CPEB4: variants seen among roughly 807,000 people sequenced by gnomAD.
CPEB4 encodes the protein cytoplasmic polyadenylation element binding protein 4.
Under a neutral mutation model 72.5 loss-of-function variants are expected in CPEB4, and 12 were observed. The ratio of observed to expected loss-of-function variants is 0.17; its 90% confidence interval spans 0.11 to 0.27. The LOEUF (loss-of-function observed/expected upper bound fraction) is 0.27. CPEB4 is among the 10% of genes least tolerant of loss of function. The pLI is 1.00. For synonymous variants in CPEB4, 302 were observed against 326.3 expected (o/e 0.93, Z 0.80); for missense variants, 614 against 908.5 (o/e 0.68, Z 4.17).
At chr5:173,952,950 T>C (rs989343474) in intron 8 of CPEB4, 141 bp from the exon 9 acceptor site, 9 of 667,952 alleles carry the variant, frequency 1.3e-5, no homozygotes, top group African/African-American at 7.1e-5. Flanking sequence ...AATGGATGAC[T>C]GGTTGTAGTA....
chr5:173,958,527 G>A lies in CPEB4; in HGVS notation c.*2390G>A, dbSNP rs972882165. 6.6e-6 allele frequency: 1 copy of A among 152,390 alleles called. No homozygotes were observed. The highest frequency in any genetic ancestry group is 2.4e-5 in the African/African-American group (1 of 41,346). The allele number at this position is 152,390 out of a possible 1,614,324, so 9.4% of individuals were successfully genotyped here. A position where few individuals can be genotyped will look rare whatever the true frequency, so the allele number is the denominator to read the frequency against. ...TTTTAAATTATGAATGTCGTGCACT[G>A]GCAATGCTATTTTAGAGTCTGCAGA... On this transcript the variant is annotated 3_prime_UTR_variant, in exon 10 of 10. Coordinates refer to ENST00000265085, the MANE Select transcript of CPEB4 (RefSeq NM_030627.4).
chr5:173,958,967 C>T lies in CPEB4; in HGVS notation c.*2830C>T, dbSNP rs1427264972. The T allele has an allele frequency of 1.3e-5, 2 of 152,684 alleles. No individual in the cohort carries two copies. Among genetic ancestry groups the T allele is most frequent in the East Asian group, 3.7e-4 (2 of 5,338 alleles). The allele number at this position is 152,684 out of a possible 1,614,324, so 9.5% of individuals were successfully genotyped here. On this transcript the variant is annotated 3_prime_UTR_variant, in exon 10 of 10. Coordinates refer to ENST00000265085, the MANE Select transcript of CPEB4 (RefSeq NM_030627.4). ...GAAATTGTTATTCTACTAATATTTACTTGTGATTGTGTGACAAGTGTGTTT... is the reference window on the plus strand; with the variant it reads ...GAAATTGTTATTCTACTAATATTTATTTGTGATTGTGTGACAAGTGTGTTT...
At chr5:173,938,881 G>A (rs1451031952) in intron 3 of CPEB4, among the ~76,000 whole-genome samples, 1 of 152,200 alleles carries the variant, frequency 6.6e-6, no homozygotes, top group Admixed American at 6.5e-5. Context: ...TATAGCATAT[G>A]CAATAATAAT....
chr5:173,936,714 A>G (rs562875085), intron 3 of CPEB4, among the ~76,000 whole-genome samples: 1 of 152,266 alleles, frequency 6.6e-6, no homozygotes, highest in South Asian at 2.1e-4. Flanking sequence ...TCTGAGATAG[A>G]CATTGGATTA....
chr5:173,896,831 G>A (rs1293179242), intron 1 of CPEB4, among the ~76,000 whole-genome samples: 1 of 152,140 alleles, frequency 6.6e-6, no homozygotes, highest in Non-Finnish European at 1.5e-5. Flanking sequence ...AGGCCGAGGT[G>A]GACGGATCAC....
At position 173,901,238 on chromosome 5, in the gene CPEB4, A is replaced by G. The variant is rs1037207439; in HGVS notation, c.1126-9285A>G. Among the ~76,000 whole-genome samples the G allele has an allele frequency of 3.6e-4, 55 of 152,228 alleles. 1 individual carries two copies. Among genetic ancestry groups the G allele is most frequent in the African/African-American group, 1.3e-3 (52 of 41,458 alleles). ...CTCAGAGGCTTTCTGGAGAGATCTT[A>G]TTTGTCAATTAACATGGCAACCAAA... is the stretch of plus-strand genomic sequence containing the variant. On this transcript the variant is annotated intron_variant, in intron 1 of 9. Transcript: ENST00000265085.
At chr5:173,942,987 T>G in intron 3 of CPEB4, 39 bp from the exon 4 acceptor site, 1 of 1,600,870 alleles carries the variant, frequency 6.2e-7, no homozygotes, top group Non-Finnish European at 8.5e-7. Context: ...AAGGTTGTTT[T>G]GTTTTTTTGT....
chr5:173,946,288 A>G (rs538099110), intron 5 of CPEB4, among the ~76,000 whole-genome samples: 1 of 152,360 alleles, frequency 6.6e-6, no homozygotes, highest in Admixed American at 6.5e-5. Context: ...CCCTCAGCAT[A>G]GCTTGAAGAA....
chr5:173,946,958 T>TC (rs1329011809), intron 5 of CPEB4, among the ~76,000 whole-genome samples: 7 of 151,364 alleles, frequency 4.6e-5, no homozygotes, highest in African/African-American at 9.7e-5. Flanking sequence ...TTAACCTTTT[T>TC]CCCCCCCAAG....
intron 1 of CPEB4, among the ~76,000 whole-genome samples, chr5:173,895,181 A>G (rs1217534065): frequency 6.6e-6 from 1 of 152,202 alleles, no homozygotes; most frequent in Non-Finnish European, 1.5e-5. Context: ...GTAAGGAAAA[A>G]AAAAATCCTG....
intron 7 of CPEB4, among the ~76,000 whole-genome samples, 168 bp from the exon 8 acceptor site, chr5:173,951,656 A>G (rs2113298692): frequency 6.6e-6 from 1 of 152,358 alleles, no homozygotes; most frequent in African/African-American, 2.4e-5. Flanking sequence ...TCTAAAAATG[A>G]AACGATGGGT....
At chr5:173,947,619 A>G (rs537953871) in intron 5 of CPEB4, among the ~76,000 whole-genome samples, 97 of 152,204 alleles carry the variant, frequency 6.4e-4, no homozygotes, top group African/African-American at 2.3e-3. Flanking sequence ...AGAAAAACCC[A>G]TGAAATGTTG....
intron 1 of CPEB4, among the ~76,000 whole-genome samples, chr5:173,892,637 T>C (rs1053519816): frequency 1.3e-5 from 2 of 152,228 alleles, no homozygotes; most frequent in Non-Finnish European, 2.9e-5. Flanking sequence ...CCTCACAGTT[T>C]GGTTCCCATT....
At position 173,936,764 on chromosome 5, in the gene CPEB4, TTA is replaced by T. The variant is rs1370356578; in HGVS notation, c.1258+4265_1258+4266del. Among the ~76,000 whole-genome samples the T allele has an allele frequency of 4.6e-5, 7 of 152,218 alleles. No homozygotes were observed. In the East Asian group the frequency reaches 1.4e-3, roughly 29 times the overall value. ...CTCTTACCCAGCTTGAAACTTTATTTTACCTAAGAAACCACCACCACCTCTGT... is the reference window on the plus strand; with the variant it reads ...CTCTTACCCAGCTTGAAACTTTATTTCCTAAGAAACCACCACCACCTCTGT... On this transcript the variant is annotated intron_variant, in intron 3 of 9. Coordinates refer to ENST00000265085, the MANE Select transcript of CPEB4 (RefSeq NM_030627.4).
chr5:173,933,592 C>A (rs1757518367), intron 3 of CPEB4, among the ~76,000 whole-genome samples: 1 of 152,010 alleles, frequency 6.6e-6, no homozygotes, highest in Non-Finnish European at 1.5e-5. Context: ...ATATATTAGG[C>A]CAAAAACCAA....
intron 9 of CPEB4, among the ~76,000 whole-genome samples, chr5:173,953,719 C>G (rs1427452203): frequency 1.5e-5 from 2 of 135,984 alleles, no homozygotes; most frequent in Admixed American, 1.5e-4. Context: ...ATTGTACTCA[C>G]AGATTTCTTT....
chr5:173,913,130 T>C (rs946715473), intron 2 of CPEB4, among the ~76,000 whole-genome samples: 6 of 151,928 alleles, frequency 3.9e-5, no homozygotes, highest in African/African-American at 1.4e-4. Flanking sequence ...CAACTTGTTA[T>C]GTGACATTTT....
chr5:173,897,659 G>A (rs1050483481), intron 1 of CPEB4, among the ~76,000 whole-genome samples: 2 of 151,954 alleles, frequency 1.3e-5, no homozygotes, highest in African/African-American at 4.8e-5. Flanking sequence ...AATCATTAAG[G>A]CAAACTAACA....
intron 5 of CPEB4, among the ~76,000 whole-genome samples, chr5:173,948,972 A>G (rs2113290277): frequency 1.3e-5 from 2 of 152,314 alleles, no homozygotes; most frequent in Middle Eastern, 6.8e-3. Context: ...GAACATAAAC[A>G]TTTGGACCGT....
Sources: allele counts gnomAD v4.1 joint callset (sites outside exome capture counted in the v4.1 genomes callset), GRCh38; gene constraint gnomAD v4.1.1; transcripts MANE v1.5; gene names NCBI Gene and HGNC (gene_info 2026-07-23, HGNC 2026-07-21).